SCHIP1: variants seen among roughly 807,000 people sequenced by gnomAD.
SCHIP1 encodes schwannomin interacting protein 1.
SCHIP1 carries 8 observed loss-of-function variants against 29.7 expected under a neutral mutation model. That is an observed-to-expected ratio of 0.27 (90% CI 0.16 to 0.49). The LOEUF is 0.49. SCHIP1 is among the 20% of genes least tolerant of loss of function. SCHIP1 has a pLI of 0.99. For synonymous variants in SCHIP1, 76 were observed against 94.9 expected, an observed-to-expected ratio of 0.80 and a Z score of 1.16; for missense variants, 193 against 294.6, an observed-to-expected ratio of 0.66 and a Z score of 2.52.
At chr3:159,671,931 AT>A in the SCHIP1 span, among the ~76,000 whole-genome samples, 534 of 152,272 alleles carry the variant, frequency 3.5e-3, 2 homozygotes, top group African/African-American at 0.012. Flanking sequence ...GTGACCTGCA[AT>A]TCCACACCAG....
At chr3:159,783,768 A>G in the SCHIP1 span, among the ~76,000 whole-genome samples, 1 of 152,156 alleles carries the variant, frequency 6.6e-6, no homozygotes, top group Non-Finnish European at 1.5e-5. Context: ...AGTAGTTGGC[A>G]TATTTGAGGG....
the SCHIP1 span, among the ~76,000 whole-genome samples, chr3:159,375,466 C>T: frequency 2.6e-5 from 4 of 152,250 alleles, no homozygotes; most frequent in East Asian, 1.9e-4. Context: ...AATGGCTGGG[C>T]GTGCTCACGC....
the SCHIP1 span, among the ~76,000 whole-genome samples, chr3:159,305,378 A>G: frequency 1.3e-5 from 2 of 152,238 alleles, no homozygotes; most frequent in Non-Finnish European, 2.9e-5. Context: ...GAGAAAACAG[A>G]GGCTGACAGG....
At chr3:159,866,421 TAGAC>T (rs1714635603) in intron 2 of SCHIP1, 140 bp downstream of exon 3, 4 of 743,428 alleles carry the variant, frequency 5.4e-6, no homozygotes, top group Non-Finnish European at 8.6e-6. Flanking sequence ...ATTTGGGTTT[TAGAC>T]AGACCCTTCC....
chr3:159,774,374 TA>T, the SCHIP1 span, among the ~76,000 whole-genome samples: 1 of 152,136 alleles, frequency 6.6e-6, no homozygotes, highest in Admixed American at 6.5e-5. Context: ...AAATGGAAGA[TA>T]AAAAAATAAT....
chr3:159,783,495 T>C, the SCHIP1 span, among the ~76,000 whole-genome samples: 301 of 152,350 alleles, frequency 2.0e-3, 1 homozygote, highest in African/African-American at 6.9e-3. Context: ...TTTGTGGAAC[T>C]TTCCACCAGT....
the SCHIP1 span, among the ~76,000 whole-genome samples, chr3:159,727,919 T>C: frequency 8.6e-5 from 13 of 151,976 alleles, no homozygotes; most frequent in African/African-American, 2.9e-4. Flanking sequence ...AAAAACTTTT[T>C]TGTTGTTTTT....
chr3:159,609,983 C>T, the SCHIP1 span, among the ~76,000 whole-genome samples: 1 of 152,158 alleles, frequency 6.6e-6, no homozygotes, highest in East Asian at 1.9e-4. Flanking sequence ...CGAGGGGCTG[C>T]CTGCCCTATG....
At chr3:159,772,274 C>T in the SCHIP1 span, among the ~76,000 whole-genome samples, 9 of 152,180 alleles carry the variant, frequency 5.9e-5, no homozygotes, top group Admixed American at 2.0e-4. Context: ...CCTCAGCCTC[C>T]GGAGTAGCTG....
the SCHIP1 span, among the ~76,000 whole-genome samples, chr3:159,474,278 G>T: frequency 6.6e-6 from 1 of 152,228 alleles, no homozygotes; most frequent in Middle Eastern, 3.4e-3. Flanking sequence ...CACAGAATCT[G>T]TCAAACCACG....
the SCHIP1 span, among the ~76,000 whole-genome samples, chr3:159,793,058 G>A: frequency 6.6e-6 from 1 of 152,162 alleles, no homozygotes; most frequent in Non-Finnish European, 1.5e-5. Context: ...GATGACAAGA[G>A]CTGTGTACAA....
the SCHIP1 span, among the ~76,000 whole-genome samples, chr3:159,621,551 G>T: frequency 6.6e-6 from 1 of 152,152 alleles, no homozygotes; most frequent in Non-Finnish European, 1.5e-5. Flanking sequence ...CAATGAGGCT[G>T]CTAATCCTTT....
chr3:159,445,380 G>A, the SCHIP1 span, among the ~76,000 whole-genome samples: 1 of 151,214 alleles, frequency 6.6e-6, no homozygotes, highest in Non-Finnish European at 1.5e-5. Flanking sequence ...GGAAACAACA[G>A]GTGCTGGAGA....
chr3:159,880,314 T>C (rs1716305481), intron 2 of SCHIP1, among the ~76,000 whole-genome samples: 1 of 152,252 alleles, frequency 6.6e-6, no homozygotes, highest in South Asian at 2.1e-4. Context: ...TCCTTCCTTT[T>C]GCAGTTTTCT....
the SCHIP1 span, among the ~76,000 whole-genome samples, chr3:159,749,543 G>T: frequency 7.0e-4 from 106 of 152,236 alleles, no homozygotes; most frequent in African/African-American, 2.5e-3. Flanking sequence ...TCTTGCACTA[G>T]GTCGCGCTTT....
At chr3:159,556,573 G>T in the SCHIP1 span, among the ~76,000 whole-genome samples, 1 of 151,948 alleles carries the variant, frequency 6.6e-6, no homozygotes, top group African/African-American at 2.4e-5. Context: ...ATACACCATG[G>T]AACACTATGC....
At chr3:159,492,413 G>A in the SCHIP1 span, among the ~76,000 whole-genome samples, 4 of 152,214 alleles carry the variant, frequency 2.6e-5, no homozygotes, top group African/African-American at 9.6e-5. Flanking sequence ...TAAAGGACCT[G>A]ATGGAACTGA....
chr3:159,790,027 A>T, the SCHIP1 span, among the ~76,000 whole-genome samples: 1 of 152,260 alleles, frequency 6.6e-6, no homozygotes, highest in Non-Finnish European at 1.5e-5. Context: ...CACCGCCAGA[A>T]GGGTCATATT....
the SCHIP1 span, among the ~76,000 whole-genome samples, chr3:159,428,774 T>A: frequency 6.6e-6 from 1 of 151,952 alleles, no homozygotes; most frequent in Admixed American, 6.6e-5. Flanking sequence ...CTATTCACAA[T>A]AGCAAAGACT....
Sources: gnomAD v4.1 joint callset for allele counts (sites outside exome capture counted in the v4.1 genomes callset) on GRCh38, gnomAD v4.1.1 for gene constraint, MANE v1.5 for transcripts, NCBI Gene and HGNC (gene_info 2026-07-23, HGNC 2026-07-21) for gene names.